The following CTTNBP2NL variants were observed in gnomAD, a reference collection of about 807,000 sequenced individuals.
CTTNBP2NL encodes the protein CTTNBP2 N-terminal-like protein.
A neutral mutation model predicts 32.5 loss-of-function variants in CTTNBP2NL; 16 were observed. The ratio of observed to expected loss-of-function variants is 0.49; its 90% confidence interval spans 0.33 to 0.75. The LOEUF (loss-of-function observed/expected upper bound fraction) is 0.75, where lower values mean the gene tolerates loss of function less well. Among genes scored for constraint, CTTNBP2NL ranks in the 30% least tolerant of loss-of-function variants. The pLI, the probability that CTTNBP2NL is intolerant of heterozygous loss-of-function variation, is 0.02. For missense variants in CTTNBP2NL, 645 were observed against 756.0 expected (o/e 0.85, Z 1.72); for synonymous variants, 298 against 289.4 (o/e 1.03, Z -0.30).
intron 3 of CTTNBP2NL, among the ~76,000 whole-genome samples, chr1:112,445,762 C>A (rs1650019690): frequency 6.6e-6 from 1 of 152,214 alleles, no homozygotes; most frequent in South Asian, 2.1e-4. Context: ...AGCTCTTTGT[C>A]TATTACTCAT....
chr1:112,406,862 T>C lies in CTTNBP2NL; in HGVS notation c.-133-5332T>C, dbSNP rs111435186. On this transcript the variant is annotated intron_variant, in intron 1 of 5. Coordinates refer to ENST00000271277, the MANE Select transcript of CTTNBP2NL (RefSeq NM_018704.3). Reference sequence around the variant, plus strand: ...GTATTTGAATAGAGTACTACAGTGTTATAAATGTTGACCCTAAAAAATACT... The same window carrying C: ...GTATTTGAATAGAGTACTACAGTGTCATAAATGTTGACCCTAAAAAATACT... Among the ~76,000 whole-genome samples the C allele has an allele frequency of 1.5e-3, 229 of 152,280 alleles. 1 individual carries two copies. The highest frequency in any genetic ancestry group is 5.2e-3 in the African/African-American group (214 of 41,550).
intron 2 of CTTNBP2NL, 196 bp from the exon 3 acceptor site, chr1:112,415,957 ATAAT>A (rs1281617987): frequency 1.4e-5 from 7 of 487,354 alleles, no homozygotes; most frequent in Admixed American, 8.1e-5. Flanking sequence ...AGTGAAATCA[ATAAT>A]TAAAGTGAAT....
chr1:112,399,318 C>CAAAAAAAAA (rs72332884), intron 1 of CTTNBP2NL, among the ~76,000 whole-genome samples: 5 of 78,032 alleles, frequency 6.4e-5, no homozygotes, highest in African/African-American at 9.6e-5. Flanking sequence ...GACTCTGTCT[C>CAAAAAAAAA]AAAAAAAAAA....
chr1:112,425,981 GTGTGTGTGTGTGTGTGTGTGTGTC>G (rs1169769039), intron 3 of CTTNBP2NL, among the ~76,000 whole-genome samples: 6 of 124,268 alleles, frequency 4.8e-5, no homozygotes, highest in Admixed American at 9.0e-5. Flanking sequence ...GTGTGTGTGT[GTGTGTGTGTGTGTGTGTGTGTGTC>G]TGTCTGTCTT....
At chr1:112,407,954 C>G (rs967716273) in intron 1 of CTTNBP2NL, among the ~76,000 whole-genome samples, 2 of 145,590 alleles carry the variant, frequency 1.4e-5, no homozygotes, top group Non-Finnish European at 3.0e-5. Flanking sequence ...ACGCAATTCT[C>G]CTGCCTCAGC....
At chr1:112,444,781 T>C (rs953202151) in intron 3 of CTTNBP2NL, among the ~76,000 whole-genome samples, 1 of 152,146 alleles carries the variant, frequency 6.6e-6, no homozygotes, top group African/African-American at 2.4e-5. Context: ...TGAATATAGG[T>C]GTTTGGTCTT....
At chr1:112,411,993 G>T (rs971128106) in intron 1 of CTTNBP2NL, among the ~76,000 whole-genome samples, 1 of 152,138 alleles carries the variant, frequency 6.6e-6, no homozygotes, top group African/African-American at 2.4e-5. Flanking sequence ...CCTTATTTTA[G>T]TTGCAAAAGG....
intron 1 of CTTNBP2NL, among the ~76,000 whole-genome samples, chr1:112,410,234 A>G (rs1252002088): frequency 6.6e-6 from 1 of 152,164 alleles, no homozygotes; most frequent in African/African-American, 2.4e-5. Context: ...CTCTACTAAA[A>G]ATATAAAATC....
chr1:112,399,289 G>A (rs1010069378), intron 1 of CTTNBP2NL, among the ~76,000 whole-genome samples: 9 of 140,114 alleles, frequency 6.4e-5, no homozygotes, highest in African/African-American at 2.2e-4. Flanking sequence ...ACTGCGCCCC[G>A]GCCTGGGAAA....
At chr1:112,422,887 G>T (rs1366552262) in intron 3 of CTTNBP2NL, among the ~76,000 whole-genome samples, 2 of 151,918 alleles carry the variant, frequency 1.3e-5, no homozygotes, top group Non-Finnish European at 2.9e-5. Flanking sequence ...CAACCTCTTG[G>T]GCTCCAGCAA....
upstream of CTTNBP2NL, among the ~76,000 whole-genome samples, chr1:112,396,011 C>T (rs1407432794): frequency 6.6e-6 from 1 of 152,246 alleles, no homozygotes; most frequent in African/African-American, 2.4e-5. Context: ...AGGGCGCTTC[C>T]TCCCGGAAGT....
At chr1:112,405,766 TACACATTC>T (rs775631563) in intron 1 of CTTNBP2NL, among the ~76,000 whole-genome samples, 2 of 152,206 alleles carry the variant, frequency 1.3e-5, no homozygotes, top group African/African-American at 2.4e-5. Flanking sequence ...CACACACACT[TACACATTC>T]ACACATTCAC....
At chr1:112,400,456 C>T (rs1201850365) in intron 1 of CTTNBP2NL, among the ~76,000 whole-genome samples, 1 of 152,008 alleles carries the variant, frequency 6.6e-6, no homozygotes. Context: ...AGGCCAGGAG[C>T]TCGAGACCAG....
At chr1:112,400,961 G>A (rs2999474) in intron 1 of CTTNBP2NL, among the ~76,000 whole-genome samples, 16,433 of 132,804 alleles carry the variant, frequency 0.12, 3,438 homozygotes, top group African/African-American at 0.44. Flanking sequence ...GCAAGACTCT[G>A]TCACCAAAAA....
chr1:112,455,234 A>G (rs147916952), intron 5 of CTTNBP2NL, among the ~76,000 whole-genome samples: 1,663 of 152,278 alleles, frequency 0.011, 42 homozygotes, highest in African/African-American at 0.038. Context: ...GGCTGGGCAC[A>G]GTGGTTCACG....
At chr1:112,432,066 A>ATTTTTT (rs11440212) in intron 3 of CTTNBP2NL, among the ~76,000 whole-genome samples, 208 of 91,030 alleles carry the variant, frequency 2.3e-3, no homozygotes, top group Non-Finnish European at 3.0e-3. Flanking sequence ...ATATATTTTG[A>ATTTTTT]TTTTTTTTTT....
chr1:112,402,266 A>G (rs1268016821), intron 1 of CTTNBP2NL, among the ~76,000 whole-genome samples: 1 of 152,102 alleles, frequency 6.6e-6, no homozygotes, highest in Admixed American at 6.5e-5. Flanking sequence ...TAAAAATACA[A>G]AATTAGCCAG....
chr1:112,396,042 C>A (rs1227333529), upstream of CTTNBP2NL: 1 of 152,294 alleles, frequency 6.6e-6, no homozygotes, highest in Non-Finnish European at 1.5e-5. Context: ...CAATCCCGGC[C>A]TTGCTCTTCC....
At position 112,436,071 on chromosome 1, in the gene CTTNBP2NL, C is replaced by CT. The variant is rs369855117; in HGVS notation, c.100-12861dup. Reference sequence around the variant, plus strand: ...ATTTTTTTTTTTTTTTTGAGATTTGCTTTTTTTTTTGTCCTGTTTTATTGT... The same window carrying CT: ...ATTTTTTTTTTTTTTTTGAGATTTGCTTTTTTTTTTTGTCCTGTTTTATTGT... On this transcript the variant is annotated intron_variant, in intron 3 of 5. Coordinates refer to ENST00000271277, the MANE Select transcript of CTTNBP2NL (RefSeq NM_018704.3). Among the ~76,000 whole-genome samples the CT allele has an allele frequency of 6.9e-3, 825 of 118,854 alleles. 14 individuals are homozygous for CT. Among genetic ancestry groups the CT allele is most frequent in the African/African-American group, 0.023 (771 of 33,854 alleles). 78.0% of individuals were successfully genotyped at this position (118,854 alleles called of 152,430 possible).
Sources: allele counts gnomAD v4.1 joint callset (sites outside exome capture counted in the v4.1 genomes callset), GRCh38; gene constraint gnomAD v4.1.1; transcripts MANE v1.5; gene names NCBI Gene and HGNC (gene_info 2026-07-23, HGNC 2026-07-21).